The following RALYL variants were observed in gnomAD, a reference collection of about 807,000 sequenced individuals.
RALYL encodes RALY RNA binding protein like.
RALYL carries 29 observed loss-of-function variants against 35.1 expected under a neutral mutation model. The ratio of observed to expected loss-of-function variants is 0.83; its 90% CI spans 0.61 to 1.13. The LOEUF is 1.13. Among genes scored for constraint, RALYL ranks in the 50% most tolerant of loss-of-function variants. RALYL has a pLI of 0.00. For synonymous variants in RALYL, 120 were observed against 127.6 expected (o/e 0.94, Z 0.40); for missense variants, 359 against 360.4 (o/e 1.00, Z 0.03).
chr8:84,767,897 TTAAC>T (rs559841297), intron 2 of RALYL, among the ~76,000 whole-genome samples: 3 of 152,290 alleles, frequency 2.0e-5, no homozygotes, highest in African/African-American at 7.2e-5. Flanking sequence ...GACTACAAAT[TTAAC>T]TAGGCTTTTT....
At chr8:84,531,488 T>C (rs1318153664) in intron 2 of RALYL, among the ~76,000 whole-genome samples, 2 of 152,194 alleles carry the variant, frequency 1.3e-5, no homozygotes, top group Admixed American at 6.5e-5. Context: ...CAGACATTGG[T>C]ATATTTTCCA....
At chr8:84,536,063 G>A (rs1023984218) in intron 2 of RALYL, among the ~76,000 whole-genome samples, 1 of 152,094 alleles carries the variant, frequency 6.6e-6, no homozygotes, top group Admixed American at 6.5e-5. Flanking sequence ...CTCAGTAAGT[G>A]CGTTTCAGGG....
chr8:84,428,271 G>A (rs980664331), intron 1 of RALYL, among the ~76,000 whole-genome samples: 9 of 152,052 alleles, frequency 5.9e-5, no homozygotes, highest in African/African-American at 2.2e-4. Flanking sequence ...GCTAATGTTA[G>A]ATAAAAAGAT....
chr8:84,808,199 C>A (rs1472674418), intron 4 of RALYL, among the ~76,000 whole-genome samples: 10 of 152,126 alleles, frequency 6.6e-5, no homozygotes, highest in African/African-American at 2.4e-4. Flanking sequence ...AGATGAGGAT[C>A]CAGTTTCATT....
At chr8:84,539,413 C>G (rs1489695457) in intron 2 of RALYL, among the ~76,000 whole-genome samples, 1 of 152,004 alleles carries the variant, frequency 6.6e-6, no homozygotes, top group East Asian at 1.9e-4. Context: ...GAAACAGGTC[C>G]TAGATCTTTA....
intron 3 of RALYL, among the ~76,000 whole-genome samples, chr8:84,792,081 C>G (rs1586294762): frequency 6.6e-6 from 1 of 152,256 alleles, no homozygotes; most frequent in Non-Finnish European, 1.5e-5. Context: ...AGCTGAGACT[C>G]CCAAAGCCCA....
At chr8:84,186,319 A>C (rs949620347) in intron 1 of RALYL, among the ~76,000 whole-genome samples, 3 of 152,204 alleles carry the variant, frequency 2.0e-5, no homozygotes, top group African/African-American at 7.2e-5. Flanking sequence ...AACAGCTAAC[A>C]TAAAACATTA....
chr8:84,530,073 G>A (rs1273612422), intron 2 of RALYL, among the ~76,000 whole-genome samples: 1 of 152,032 alleles, frequency 6.6e-6, no homozygotes, highest in Non-Finnish European at 1.5e-5. Context: ...TCTAGTTAAG[G>A]ATTTTGTGTA....
intron 1 of RALYL, among the ~76,000 whole-genome samples, chr8:84,497,691 G>C (rs1157774632): frequency 6.9e-6 from 1 of 145,824 alleles, no homozygotes; most frequent in Non-Finnish European, 1.5e-5. Flanking sequence ...ACCCAGGCTG[G>C]AGTGCAGTGG....
intron 2 of RALYL, among the ~76,000 whole-genome samples, chr8:84,629,222 A>G (rs1019454899): frequency 6.6e-6 from 1 of 152,088 alleles, no homozygotes. Context: ...GTATGCTCCA[A>G]GAAGGCAGAA....
rs143357848 is a variant in RALYL at position 84,365,943 on chromosome 8, G to A, written c.-23-163356G>A. Reference sequence around the variant, plus strand: ...GACCACACACTGACCGCATGGACACGTTGGCATTGGCTGCCACTCATAGAT... The same window carrying A: ...GACCACACACTGACCGCATGGACACATTGGCATTGGCTGCCACTCATAGAT... On this transcript the variant is annotated intron_variant, in intron 1 of 8. Coordinates refer to ENST00000521268, the MANE Select transcript of RALYL (RefSeq NM_173848.7). Among the ~76,000 whole-genome samples, 816 of 152,300 alleles carry A rather than the reference G, an allele frequency of 5.4e-3. 10 individuals carry two copies. The highest frequency in any genetic ancestry group is 0.017 in the South Asian group (80 of 4,826).
intron 8 of RALYL, among the ~76,000 whole-genome samples, chr8:84,918,965 A>G (rs1200730933): frequency 6.6e-6 from 1 of 152,080 alleles, no homozygotes; most frequent in Non-Finnish European, 1.5e-5. Context: ...AAAAAATTAT[A>G]CTGGGGGTAA....
Position 84,250,913 on chromosome 8 carries a change from C to A in RALYL, c.-24+66489C>A, listed in dbSNP as rs546958784. ...TAAAAGTTATACTTTGGAACCATAT[C>A]TCCTGGGTTGATCTTCTACTCAGTT... On this transcript the variant is annotated intron_variant, in intron 1 of 8. Transcript: ENST00000521268. Among the ~76,000 whole-genome samples, 3 of 152,264 alleles carry A rather than the reference C, an allele frequency of 2.0e-5. No individual in the cohort carries two copies. The South Asian group carries it at 6.2e-4, about 32-fold the overall frequency.
intron 7 of RALYL, among the ~76,000 whole-genome samples, chr8:84,878,199 A>G (rs1841527491): frequency 6.6e-6 from 1 of 152,174 alleles, no homozygotes; most frequent in Non-Finnish European, 1.5e-5. Flanking sequence ...GTGAAGGTAA[A>G]ACAGTGGGTC....
chr8:84,730,010 G>A (rs954713039), intron 2 of RALYL, among the ~76,000 whole-genome samples: 2 of 152,138 alleles, frequency 1.3e-5, no homozygotes, highest in African/African-American at 2.4e-5. Flanking sequence ...TAGAAAAAGA[G>A]GGAATCTTCC....
chr8:84,483,127 A>G (rs149027050), intron 1 of RALYL, among the ~76,000 whole-genome samples: 4,536 of 152,240 alleles, frequency 0.03, 115 homozygotes, highest in Non-Finnish European at 0.038. Context: ...CTATTCAATG[A>G]GAGCTAGCAT....
intron 2 of RALYL, among the ~76,000 whole-genome samples, chr8:84,603,530 T>A (rs138258321): frequency 9.9e-5 from 15 of 152,002 alleles, no homozygotes; most frequent in African/African-American, 3.1e-4. Flanking sequence ...CTGAGGTAGG[T>A]GTGAGATTTC....
intron 1 of RALYL, among the ~76,000 whole-genome samples, chr8:84,519,637 C>A (rs942415162): frequency 6.6e-6 from 1 of 152,200 alleles, no homozygotes; most frequent in African/African-American, 2.4e-5. Context: ...ATAAACTAAG[C>A]ATTTCAGAAT....
intron 2 of RALYL, among the ~76,000 whole-genome samples, chr8:84,582,559 C>A (rs570880921): frequency 6.6e-6 from 1 of 152,190 alleles, no homozygotes; most frequent in African/African-American, 2.4e-5. Flanking sequence ...TCATACCACC[C>A]ACTTGATTTG....
Sources: allele counts gnomAD v4.1 joint callset (sites outside exome capture counted in the v4.1 genomes callset), GRCh38; gene constraint gnomAD v4.1.1; transcripts MANE v1.5; gene names NCBI Gene and HGNC (gene_info 2026-07-23, HGNC 2026-07-21).